PATL1: variants seen among roughly 807,000 people sequenced by gnomAD.
PATL1 encodes protein PAT1 homolog 1.
A neutral mutation model predicts 100.6 loss-of-function variants in PATL1; 32 were observed. That is an observed-to-expected ratio of 0.32 (90% CI 0.24 to 0.43). PATL1 has a LOEUF of 0.43. Ranked by LOEUF, PATL1 falls within the 20% of genes least tolerant of loss-of-function variation. PATL1 has a pLI of 1.00. For synonymous variants in PATL1, 332 were observed against 330.0 expected (o/e 1.01, Z -0.07); for missense variants, 747 against 949.9 (o/e 0.79, Z 2.81).
intron 1 of PATL1, 36 bp downstream of exon 1, chr11:59,668,845 G>C (rs761320028): frequency 3.4e-5 from 44 of 1,292,596 alleles, no homozygotes; most frequent in Non-Finnish European, 4.1e-5. Flanking sequence ...GGGCGCGGGA[G>C]GGAGGGAGGG....
chr11:59,652,238 T>C (rs1259232857), intron 11 of PATL1, among the ~76,000 whole-genome samples: 3 of 151,854 alleles, frequency 2.0e-5, no homozygotes. Flanking sequence ...ATTTAAAAAA[T>C]CATGAAATCT....
At position 59,654,045 on chromosome 11, in the gene PATL1, G is replaced by A. The variant is rs1861486550; in HGVS notation, c.1059C>T (p.Asp353=). ...GGTGCTGTGGATGGAGGTGAGTTGT[G>A]TCCGGTCTAAACATTGGGGCCTGAG... ...LRSQAPMFRP[D]TTHLHPQHRR... Residue 353 remains aspartate (D), a synonymous_variant, in exon 9 of 19, where the codon GAC becomes GAT. Coordinates refer to ENST00000300146, the MANE Select transcript of PATL1 (RefSeq NM_152716.3). 1 of 1,613,814 alleles carries A rather than the reference G, an allele frequency of 6.2e-7. No individual in the cohort carries two copies. The highest frequency in any genetic ancestry group is 8.5e-7 in the Non-Finnish European group (1 of 1,179,764).
At position 59,651,637 on chromosome 11, in the gene PATL1, T is replaced by C. The variant is rs374095261; in HGVS notation, c.1431A>G (p.Gln477=). 6 of 1,604,890 alleles carry C rather than the reference T, an allele frequency of 3.7e-6. No individual in the cohort carries two copies. Among genetic ancestry groups the C allele is most frequent in the African/African-American group, 2.7e-5 (2 of 74,046 alleles). The part of the protein sequence containing the change: ...AKLEHAYKPV[Q]FEGSLGKLTV... ...TAAGCTTTCCCAAAGAGCCCTCAAA[T>C]TGCACTGCAAAGACAAAAAAAAAAA... The change falls in exon 12 of 19, where the codon CAA becomes CAG. Residue 477 remains glutamine (Q), a synonymous_variant. Transcript: ENST00000300146.
intron 6 of PATL1, 96 bp downstream of exon 6, chr11:59,656,403 A>G: frequency 9.9e-7 from 1 of 1,006,416 alleles, no homozygotes; most frequent in Non-Finnish European, 1.5e-6. Context: ...GGTATAATTT[A>G]GGAGATGTCA....
At chr11:59,639,007 C>A in intron 18 of PATL1, 41 bp downstream of exon 18, 3 of 1,596,018 alleles carry the variant, frequency 1.9e-6, no homozygotes, top group Non-Finnish European at 2.6e-6. Flanking sequence ...TCTAAAGTCC[C>A]AACTTTAGTG....
chr11:59,655,406 A>T, intron 8 of PATL1, 117 bp downstream of exon 8: 1 of 950,430 alleles, frequency 1.1e-6, no homozygotes, highest in Non-Finnish European at 1.5e-6. Context: ...CAACTTGAGG[A>T]TCCAATAACA....
At chr11:59,655,425 T>C (rs1861513529) in intron 8 of PATL1, 98 bp downstream of exon 8, 13 of 1,130,296 alleles carry the variant, frequency 1.2e-5, no homozygotes, top group Non-Finnish European at 1.6e-5. Context: ...CATCTTAAAA[T>C]TTATAGTTAG....
Position 59,655,551 on chromosome 11 carries a change from C to T in PATL1, c.1003G>A (p.Gly335Ser), listed in dbSNP as rs2134752812. The T allele has an allele frequency of 6.3e-7, 1 of 1,584,534 alleles. No homozygotes were observed. The highest frequency in any genetic ancestry group is 8.6e-7 in the Non-Finnish European group (1 of 1,164,930). ...AGGTTTTGCAGGTGGGGTCCTGGGC[C>T]AGGAGGGTGCTGCTGTGGAGGTGGT... Reference protein sequence around the residue: ...ATPPPQQHPPGPGPHLQNLRS... With the variant: ...ATPPPQQHPPSPGPHLQNLRS... The change falls in exon 8 of 19, where the codon GGC becomes AGC. Residue 335 changes from glycine (G) to serine (S), a missense_variant. Transcript: ENST00000300146.
intron 2 of PATL1, among the ~76,000 whole-genome samples, chr11:59,660,555 G>C (rs544036000): frequency 6.6e-6 from 1 of 152,318 alleles, no homozygotes; most frequent in South Asian, 2.1e-4. Flanking sequence ...GTTCCAGGCA[G>C]AGGGACAGTC....
chr11:59,649,486 C>G lies in PATL1; in HGVS notation c.1709G>C (p.Arg570Thr). The G allele has an allele frequency of 4.3e-6, 7 of 1,613,882 alleles. No homozygotes were observed. Among genetic ancestry groups the G allele is most frequent in the Non-Finnish European group, 5.9e-6 (7 of 1,179,854 alleles). The change falls in exon 14 of 19, where the codon AGG (arginine) becomes ACG (threonine). Residue 570 changes from arginine (R) to threonine (T), a missense_variant. This residue lies in a region of PATL1 where 434 missense variants were observed against 596.1 expected (regional missense o/e 0.73). Coordinates refer to ENST00000300146, the MANE Select transcript of PATL1 (RefSeq NM_152716.3). ...HKICSMYDNL[R>T]GKLPGQERPS... ...CCTCTCTTGTCCAGGCAATTTCCCC[C>G]TTAAGTTGTCATACATGCTACAAAT... is the stretch of plus-strand genomic sequence containing the variant.
In PATL1 at chr11:59,659,056, C is replaced by T. The variant is rs571643399; in HGVS notation, c.346-110G>A. On this transcript the variant is annotated intron_variant, in intron 3 of 18. Coordinates refer to ENST00000300146, the MANE Select transcript of PATL1 (RefSeq NM_152716.3). ...AAGAGCCTCAAGCTGCTTTAGAATA[C>T]GAAATTATAGGGCTCCAGAATATAC... The T allele has an allele frequency of 3.1e-5, 34 of 1,100,528 alleles. No individual in the cohort carries two copies. In the South Asian group the frequency reaches 3.2e-4, roughly 10 times the overall value. The allele number at this position is 1,100,528 out of a possible 1,614,324, so 68.2% of individuals were successfully genotyped here.
intron 9 of PATL1, among the ~76,000 whole-genome samples, 176 bp from the exon 10 acceptor site, chr11:59,653,194 TAATA>T (rs1335798326): frequency 6.6e-6 from 1 of 152,144 alleles, no homozygotes; most frequent in East Asian, 1.9e-4. Flanking sequence ...AAGAGCTATG[TAATA>T]AATAATGAAG....
Position 59,638,210 on chromosome 11 carries a change from T to C in PATL1, c.*180A>G. 1.6e-6 allele frequency: 1 copy of C among 634,786 alleles called. No homozygotes were observed. The highest frequency in any genetic ancestry group is 2.0e-5 in the South Asian group (1 of 50,970). The allele number at this position is 634,786 out of a possible 1,614,324, so 39.3% of individuals were successfully genotyped here. A position where few individuals can be genotyped will look rare whatever the true frequency, so the allele number is the denominator to read the frequency against. The stretch of plus-strand genomic sequence containing the variant: ...AGAAGTATCACCCAGCCAAATTTCA[T>C]AGAGCAGTGGGGAAATATCTGACAT... On this transcript the variant is annotated 3_prime_UTR_variant, in exon 19 of 19. Coordinates refer to ENST00000300146, the MANE Select transcript of PATL1 (RefSeq NM_152716.3).
In PATL1 at chr11:59,639,289, G is replaced by A. The variant is rs1418440284; in HGVS notation, c.2141+3C>T. The A allele has an allele frequency of 2.6e-6, 4 of 1,554,596 alleles. No individual in the cohort carries two copies. The highest frequency in any genetic ancestry group is 3.5e-6 in the Non-Finnish European group (4 of 1,148,696). On this transcript the variant is annotated splice_donor_region_variant and intron_variant, in intron 17 of 18. Transcript: ENST00000300146. ...AATAAGAGAAGAAACAGTCCACACTGACCACTGATTATTTTGTGTTGATTC... is the reference window on the plus strand; with the variant it reads ...AATAAGAGAAGAAACAGTCCACACTAACCACTGATTATTTTGTGTTGATTC...
intron 17 of PATL1, 42 bp from the exon 18 acceptor site, chr11:59,639,239 T>C (rs1337049654): frequency 1.3e-6 from 2 of 1,596,658 alleles, no homozygotes; most frequent in Non-Finnish European, 1.7e-6. Context: ...GAAAAAAATT[T>C]AAAAGATTAC....
intron 2 of PATL1, among the ~76,000 whole-genome samples, 167 bp downstream of exon 2, chr11:59,666,686 G>T (rs931859337): frequency 6.6e-6 from 1 of 152,172 alleles, no homozygotes; most frequent in African/African-American, 2.4e-5. Context: ...GAGCAGGATA[G>T]GTGCTGTTTC....
chr11:59,651,744 T>C (rs999539922), intron 11 of PATL1, 103 bp from the exon 12 acceptor site: 8 of 736,966 alleles, frequency 1.1e-5, no homozygotes, highest in Admixed American at 5.0e-5. Context: ...CCCTTACTCA[T>C]AGTCTAATAA....
intron 2 of PATL1, among the ~76,000 whole-genome samples, chr11:59,660,121 A>G (rs1291903224): frequency 6.6e-6 from 1 of 152,232 alleles, no homozygotes; most frequent in Non-Finnish European, 1.5e-5. Flanking sequence ...ATGACATTTC[A>G]AGCAAAAACT....
intron 16 of PATL1, chr11:59,639,613 G>A (rs1446938320): frequency 2.2e-6 from 1 of 458,716 alleles, no homozygotes; most frequent in East Asian, 3.8e-5. Context: ...AACAGAAACG[G>A]AAAGTCATGG....
Sources: gnomAD v4.1 joint callset for allele counts (sites outside exome capture counted in the v4.1 genomes callset) on GRCh38, gnomAD v4.1.1 for gene constraint, gnomAD v4.1.1 regional missense constraint, MANE v1.5 for transcripts, NCBI Gene and HGNC (gene_info 2026-07-23, HGNC 2026-07-21) for gene names.